Variants in MICAL1 observed in about 807,000 individuals in gnomAD.
MICAL1 encodes the protein [F-actin]-monooxygenase MICAL1.
Under a neutral mutation model 131.8 loss-of-function variants are expected in MICAL1, and 95 were observed. That is an observed-to-expected ratio of 0.72 (90% CI 0.61 to 0.86). The LOEUF (loss-of-function observed/expected upper bound fraction) is 0.86. MICAL1 is among the 40% of genes least tolerant of loss of function. MICAL1 has a pLI of 0.00. For synonymous variants in MICAL1, 546 were observed against 554.2 expected (o/e 0.99, Z 0.21); for missense variants, 1,292 against 1,380.6 (o/e 0.94, Z 1.02).
intron 1 of MICAL1, chr6:109,465,507 G>T: frequency 3.8e-6 from 3 of 792,314 alleles, no homozygotes; most frequent in Non-Finnish European, 5.8e-6. Context: ...AACTGGGGAG[G>T]TTGGCAAGAC....
At chr6:109,456,145 C>A (rs1051100465), upstream of MICAL1, among the ~76,000 whole-genome samples, 3 of 152,218 alleles carry the variant, frequency 2.0e-5, no homozygotes, top group Non-Finnish European at 4.4e-5. Context: ...GGGCTCCTTG[C>A]CGGTGCTTGC....
intron 7 of MICAL1, among the ~76,000 whole-genome samples, chr6:109,451,154 T>C (rs1399957274): frequency 8.3e-5 from 3 of 36,216 alleles, no homozygotes; most frequent in African/African-American, 2.9e-4. Flanking sequence ...GGGGAGAACT[T>C]TTTTTTTTTT....
Position 109,454,064 on chromosome 6 carries a change from GCCCCCCACCGGGTTC to G in MICAL1, c.118_132del (p.Glu40_Gly44del), listed in dbSNP as rs1775652223. ...TCCTTGATCTTGTGGTACTGGGGCA[GCCCCCCACCGGGTTC>G]CAGCCCCAGGGCCCCACACAGCTCC... On this transcript the variant is annotated inframe_deletion, in exon 2 of 25. Transcript: ENST00000358807. 1 of 1,613,950 alleles carries G rather than the reference GCCCCCCACCGGGTTC, an allele frequency of 6.2e-7. No individual in the cohort carries two copies. Among genetic ancestry groups the G allele is most frequent in the Non-Finnish European group, 8.5e-7 (1 of 1,180,018 alleles).
chr6:109,446,442 G>A (rs143525187), intron 18 of MICAL1, 30 bp from the exon 19 acceptor site: 53 of 597,460 alleles, frequency 8.9e-5, no homozygotes, highest in East Asian at 2.4e-4. Context: ...GAGTGAGGTC[G>A]GGGGGTGAGG....
chr6:109,451,363 A>G (rs1775534578), intron 7 of MICAL1, among the ~76,000 whole-genome samples: 1 of 152,158 alleles, frequency 6.6e-6, no homozygotes, highest in South Asian at 2.1e-4. Context: ...CATGTTGGCC[A>G]GGCTGGTCTT....
chr6:109,446,173 G>A lies in MICAL1; in HGVS notation c.2544C>T (p.Ser848=), dbSNP rs1775205951. The change falls in exon 19 of 25, where the codon AGC becomes AGT. Residue 848 remains serine, a synonymous_variant. Transcript: ENST00000358807. ...SALARHALES[S]FVGWGLPVQS... ...GGACTGGCAGGCCCCAGCCCACAAA[G>A]CTGCTCTCCAGGGCGTGGCGGGCCA... 2.5e-6 allele frequency: 4 copies of A among 1,569,680 alleles called. No individual in the cohort carries two copies. The highest frequency in any genetic ancestry group is 3.4e-6 in the Non-Finnish European group (4 of 1,161,900).
At chr6:109,456,012 C>T, upstream of MICAL1, 1 of 986,108 alleles carries the variant, frequency 1.0e-6, no homozygotes, top group Non-Finnish European at 1.2e-6. Context: ...CAGGGTGGCG[C>T]CCGAGGGCGT....
At position 109,448,228 on chromosome 6, in the gene MICAL1, G is replaced by C. The variant is rs773398746; in HGVS notation, c.1830C>G (p.Ala610=). The C allele has an allele frequency of 1.2e-6, 2 of 1,613,060 alleles. No homozygotes were observed. The highest frequency in any genetic ancestry group is 2.2e-5 in the South Asian group (2 of 91,066). Residue 610 remains alanine, a synonymous_variant, in exon 13 of 25, where the codon GCC becomes GCG. Coordinates refer to ENST00000358807, the MANE Select transcript of MICAL1 (RefSeq NM_022765.4). Reference sequence around the variant, plus strand: ...CTGGGCTGTGGGCCATGCTCTTGAAGGCACTGTGGAAGTGGCTGAGGTAGG... The same window carrying C: ...CTGGGCTGTGGGCCATGCTCTTGAACGCACTGTGGAAGTGGCTGAGGTAGG... The part of the protein sequence containing the change: ...LIAYLSHFHS[A]FKSMAHSPGP...
chr6:109,458,612 G>C (rs1348773768), upstream of MICAL1, among the ~76,000 whole-genome samples: 1 of 152,122 alleles, frequency 6.6e-6, no homozygotes, highest in East Asian at 1.9e-4. Context: ...AGAAAAAAAG[G>C]AGTCCCATTC....
chr6:109,446,430 T>A lies in MICAL1; in HGVS notation c.2305-18A>T. The A allele has an allele frequency of 6.2e-7, 1 of 1,610,268 alleles. No homozygotes were observed. The highest frequency in any genetic ancestry group is 8.5e-7 in the Non-Finnish European group (1 of 1,177,564). ...GGGAGCTCCTGGAAAAGCCACCATG[T>A]GGAGTGAGGTCGGGGGGTGAGGCCA... On this transcript the variant is annotated intron_variant, in intron 18 of 24. Coordinates refer to ENST00000358807, the MANE Select transcript of MICAL1 (RefSeq NM_022765.4).
rs763802550 is a variant in MICAL1 at position 109,446,347 on chromosome 6, C to A, written c.2370G>T (p.Glu790Asp). ...TGGGATCTGGAACAGGACCGGCCCC[C>A]TCCTGCGAGGCTGTGGGAGTTGAGA... ...PGLSTPTASQ[E>D]GAGPVPDPSQ... Residue 790 changes from glutamate (E) to aspartate (D), a missense_variant, in exon 19 of 25, where the codon GAG becomes GAT. Physicochemically the swap from Glu to Asp is conservative, Grantham distance 45. Transcript: ENST00000358807. The A allele has an allele frequency of 6.2e-7, 1 of 1,613,282 alleles. No homozygotes were observed.
chr6:109,450,182 C>T (rs1029137771), intron 8 of MICAL1, 97 bp from the exon 9 acceptor site: 2 of 1,560,012 alleles, frequency 1.3e-6, no homozygotes, highest in African/African-American at 2.7e-5. Flanking sequence ...AGGGGCCATC[C>T]CCACACCAGG....
In MICAL1 at chr6:109,461,309, A is replaced by G. The variant is rs531929960; in HGVS notation, c.14+4355T>C. On this transcript the variant is annotated intron_variant, in intron 1 of 24. Coordinates refer to the MICAL1 transcript ENST00000630715. ...CTCATCCATCCTTTTTTATGGCTGC[A>G]TAGTATTCCATGGTGTATATGTGCC... Among the ~76,000 whole-genome samples, 21 of 152,274 alleles carry G rather than the reference A, an allele frequency of 1.4e-4. No individual in the cohort carries two copies. In the South Asian group the frequency reaches 2.1e-3, roughly 15 times the overall value.
chr6:109,448,105 C>A (rs1300891471), intron 13 of MICAL1, 98 bp downstream of exon 13: 7 of 1,370,416 alleles, frequency 5.1e-6, no homozygotes, highest in Admixed American at 2.1e-5. Context: ...CTGACACACA[C>A]ACACACACAC....
chr6:109,451,303 G>A (rs758203631), intron 7 of MICAL1, among the ~76,000 whole-genome samples: 110 of 152,056 alleles, frequency 7.2e-4, no homozygotes, highest in Non-Finnish European at 1.5e-3. Context: ...ACAGGCGCCC[G>A]CCAACAAGCC....
chr6:109,449,582 G>C, intron 10 of MICAL1, 75 bp downstream of exon 10: 2 of 1,602,320 alleles, frequency 1.2e-6, no homozygotes, highest in Non-Finnish European at 1.7e-6. Flanking sequence ...AAAGGGCAGC[G>C]ACTGGGCAGG....
intron 1 of MICAL1, chr6:109,454,778 T>G (rs1015568751): frequency 6.5e-6 from 1 of 153,432 alleles, no homozygotes; most frequent in African/African-American, 2.4e-5. Flanking sequence ...AAGGGCAAAG[T>G]TTTCCTCAGC....
Position 109,453,705 on chromosome 6 carries a change from G to A in MICAL1, c.399C>T (p.His133=), listed in dbSNP as rs751345734. Residue 133 remains histidine, a synonymous_variant, in exon 3 of 25, where the codon CAC becomes CAT. Coordinates refer to ENST00000358807, the MANE Select transcript of MICAL1 (RefSeq NM_022765.4). ...NVLHLWPFTI[H]DLRALGAKKF... ...TCTTAGCACCGAGTGCCCGCAGGTCGTGGATGGTGAAGGGCCAGAGGTGGA... is the reference window on the plus strand; with the variant it reads ...TCTTAGCACCGAGTGCCCGCAGGTCATGGATGGTGAAGGGCCAGAGGTGGA... 48 of 1,613,820 alleles carry A rather than the reference G, an allele frequency of 3.0e-5. No individual in the cohort carries two copies. Among genetic ancestry groups the A allele is most frequent in the Non-Finnish European group, 2.1e-5 (25 of 1,180,004 alleles).
intron 4 of MICAL1, among the ~76,000 whole-genome samples, chr6:109,452,923 G>A (rs1011621217): frequency 1.3e-5 from 2 of 152,128 alleles, no homozygotes; most frequent in South Asian, 2.1e-4. Flanking sequence ...TTGGGAGACC[G>A]AGGTGGGTGG....
Sources: allele counts gnomAD v4.1 joint callset (sites outside exome capture counted in the v4.1 genomes callset), GRCh38; gene constraint gnomAD v4.1.1; transcripts MANE v1.5; gene names NCBI Gene and HGNC (gene_info 2026-07-23, HGNC 2026-07-21).